CELSR1: variants seen among roughly 807,000 people sequenced by gnomAD.
CELSR1 encodes the protein cadherin EGF LAG seven-pass G-type receptor 1, also known as adhesion G protein-coupled receptor C1.
CELSR1 carries 110 observed loss-of-function variants against 249.1 expected under a neutral mutation model. The ratio of observed to expected loss-of-function variants is 0.44; its 90% confidence interval spans 0.38 to 0.52. The LOEUF (loss-of-function observed/expected upper bound fraction) is 0.52, where lower values mean the gene tolerates loss of function less well. CELSR1 is among the 20% of genes least tolerant of loss of function. CELSR1 has a pLI of 0.00. For synonymous variants in CELSR1, 2,113 were observed against 1,900.0 expected (o/e 1.11, Z -2.92); for missense variants, 4,109 against 4,296.4 (o/e 0.96, Z 1.22).
rs557667451 is a variant in CELSR1, at chr22:46,409,964, G to A, written c.4934-84C>T. The A allele has an allele frequency of 1.9e-6, 3 of 1,564,954 alleles. No individual in the cohort carries two copies. The highest frequency in any genetic ancestry group is 2.6e-6 in the Non-Finnish European group (3 of 1,152,354). ...CGCCAGACGTGGCGTGGGAAACCAGGACGGAATGGACCCGGGGCTGGACAG... is the reference window on the plus strand; with the variant it reads ...CGCCAGACGTGGCGTGGGAAACCAGAACGGAATGGACCCGGGGCTGGACAG... On this transcript the variant is annotated intron_variant, in intron 7 of 34. Transcript: ENST00000674500. The surrounding 1 kb of genome is among the most constrained non-coding windows in gnomAD (Gnocchi z 9.8).
In CELSR1 at chr22:46,461,548, T is replaced by C. The variant is rs1353751936; in HGVS notation, c.4183+2159A>G. The stretch of plus-strand genomic sequence containing the variant: ...CAGGTCTCAAAGCCACGTTAGACGT[T>C]ACCCTAGGGCTCCTGACTCATCTGA... On this transcript the variant is annotated intron_variant, in intron 2 of 34. Transcript: ENST00000674500. Among the ~76,000 whole-genome samples, 4 of 152,336 alleles carry C rather than the reference T, an allele frequency of 2.6e-5. No homozygotes were observed. In the East Asian group the frequency reaches 5.8e-4, roughly 22 times the overall value.
Position 46,378,735 on chromosome 22 carries a change from A to C in CELSR1, c.7257-18T>G, listed in dbSNP as rs780547338. On this transcript the variant is annotated intron_variant, in intron 22 of 34. Transcript: ENST00000674500. ...CACCAACGCTGCGGAGAGGACAGAG[A>C]AGGGGCAGGGGTAAGACGGTTCCCT... 1.7e-5 allele frequency: 28 copies of C among 1,609,724 alleles called. No individual in the cohort carries two copies. Among genetic ancestry groups the C allele is most frequent in the Middle Eastern group, 3.3e-4 (2 of 6,058 alleles).
At position 46,506,833 on chromosome 22, in the gene CELSR1, C is replaced by T. The variant is rs146119459; in HGVS notation, c.3544+26794G>A. 3.7e-3 allele frequency among the ~76,000 whole-genome samples: 569 copies of T among 152,346 alleles called. 5 individuals are homozygous for T. Among genetic ancestry groups the T allele is most frequent in the African/African-American group, 0.013 (552 of 41,592 alleles). On this transcript the variant is annotated intron_variant, in intron 1 of 34. Transcript: ENST00000674500. This position sits in a 1 kb window ranked among gnomAD's most constrained non-coding sequence, Gnocchi z 4.1. ...GAGGCCAAGCCCGGGGGTGTCTTCT[C>T]CACGGTCTGTCACCCGCACCACCAG...
In CELSR1 at chr22:46,396,749, G is replaced by A. The variant is rs766272003; in HGVS notation, c.5702-3C>T. On this transcript the variant is annotated splice_polypyrimidine_tract_variant and splice_region_variant and intron_variant, in intron 12 of 34. Transcript: ENST00000674500. The surrounding 1 kb of genome is among the most constrained non-coding windows in gnomAD (Gnocchi z 6.4). ...CACACAGTTTATTCCAAGGTACCCT[G>A]CAAGGACAGAGCCAGCATTACCTCC... 7 of 1,611,480 alleles carry A rather than the reference G, an allele frequency of 4.3e-6. No individual in the cohort carries two copies. Among genetic ancestry groups the A allele is most frequent in the Non-Finnish European group, 5.9e-6 (7 of 1,178,882 alleles).
rs531638350 is a variant in CELSR1 at position 46,466,782 on chromosome 22, C to T, written c.3545-2437G>A. 7.2e-5 allele frequency among the ~76,000 whole-genome samples: 11 copies of T among 152,320 alleles called. No homozygotes were observed. The South Asian group carries it at 2.3e-3, about 32-fold the overall frequency. On this transcript the variant is annotated intron_variant, in intron 1 of 34. Transcript: ENST00000674500. ...GTTGCTGGGAACCGAACTGTGTCTCCTCAAAATTCTAACCCAAGGGGATGG... is the reference window on the plus strand; with the variant it reads ...GTTGCTGGGAACCGAACTGTGTCTCTTCAAAATTCTAACCCAAGGGGATGG...
chr22:46,518,909 T>G lies in CELSR1; in HGVS notation c.3544+14718A>C, dbSNP rs2080656530. Among the ~76,000 whole-genome samples the G allele has an allele frequency of 6.6e-6, 1 of 152,104 alleles. No individual in the cohort carries two copies. The highest frequency in any genetic ancestry group is 1.5e-5 in the Non-Finnish European group (1 of 68,014). On this transcript the variant is annotated intron_variant, in intron 1 of 34. Coordinates refer to ENST00000674500, the MANE Select transcript of CELSR1 (RefSeq NM_001378328.1). The surrounding 1 kb of genome is among the most constrained non-coding windows in gnomAD (Gnocchi z 5.2). ...TTAGCTGGACGTGGTGGCGCATGCCTGTAATCCCAGCTACTCGGGAGGCAG... is the reference window on the plus strand; with the variant it reads ...TTAGCTGGACGTGGTGGCGCATGCCGGTAATCCCAGCTACTCGGGAGGCAG...
chr22:46,487,009 C>A (rs1001319251), intron 1 of CELSR1, among the ~76,000 whole-genome samples: 26 of 149,176 alleles, frequency 1.7e-4, no homozygotes, highest in African/African-American at 6.3e-4. Flanking sequence ...GTGTCTGCTC[C>A]CGCCCCCTGC....
intron 2 of CELSR1, among the ~76,000 whole-genome samples, chr22:46,460,552 CAACA>C (rs1297232276): frequency 6.6e-6 from 1 of 152,196 alleles, no homozygotes; most frequent in Non-Finnish European, 1.5e-5. Context: ...AGCAATTTAA[CAACA>C]AACACAACTA....
At chr22:46,364,452 C>T (rs1023917391) in intron 33 of CELSR1, 60 bp downstream of exon 33, 7 of 1,554,676 alleles carry the variant, frequency 4.5e-6, no homozygotes, top group Non-Finnish European at 5.2e-6. Flanking sequence ...ACCTCCAGAC[C>T]AGGGACTGGC....
intron 1 of CELSR1, among the ~76,000 whole-genome samples, chr22:46,523,855 A>G (rs1421331239): frequency 2.6e-5 from 4 of 152,048 alleles, no homozygotes; most frequent in Non-Finnish European, 5.9e-5. Flanking sequence ...CAGCTCTACC[A>G]TAAGAGACCC....
At position 46,436,797 on chromosome 22, in the gene CELSR1, C is replaced by G. The variant is rs371498682; in HGVS notation, c.4407-508G>C. The stretch of plus-strand genomic sequence containing the variant: ...AACACAGGTCAAAAAGACCCCAGGG[C>G]CTTTGCACCAGCTGCCCCCTATGCC... On this transcript the variant is annotated intron_variant, in intron 3 of 34. Transcript: ENST00000674500. This position sits in a 1 kb window ranked among gnomAD's most constrained non-coding sequence, Gnocchi z 5.9. Among the ~76,000 whole-genome samples, 1 of 152,246 alleles carries G rather than the reference C, an allele frequency of 6.6e-6. No homozygotes were observed. The highest frequency in any genetic ancestry group is 2.4e-5 in the African/African-American group (1 of 41,534).
At position 46,391,850 on chromosome 22, in the gene CELSR1, G is replaced by A; in HGVS notation, c.5965-34C>T. 6.3e-7 allele frequency: 1 copy of A among 1,591,328 alleles called. No homozygotes were observed. The highest frequency in any genetic ancestry group is 8.5e-7 in the Non-Finnish European group (1 of 1,171,580). On this transcript the variant is annotated intron_variant, in intron 14 of 34. Coordinates refer to ENST00000674500, the MANE Select transcript of CELSR1 (RefSeq NM_001378328.1). The surrounding 1 kb of genome is among the most constrained non-coding windows in gnomAD (Gnocchi z 4.3). Reference sequence around the variant, plus strand: ...GCCAGAGGCAGGGCCTGTGACTTCAGATGCCCGGGAGAGGCCCTACCTTGC... The same window carrying A: ...GCCAGAGGCAGGGCCTGTGACTTCAAATGCCCGGGAGAGGCCCTACCTTGC...
At chr22:46,532,294 C>A (rs1421097900) in intron 1 of CELSR1, among the ~76,000 whole-genome samples, 2 of 152,202 alleles carry the variant, frequency 1.3e-5, no homozygotes, top group Non-Finnish European at 2.9e-5. Flanking sequence ...ATCCATAACC[C>A]CGGTTAATTC....
chr22:46,455,810 G>A (rs2079942301), intron 2 of CELSR1, among the ~76,000 whole-genome samples: 1 of 152,204 alleles, frequency 6.6e-6, no homozygotes, highest in Admixed American at 6.5e-5. Context: ...ATTGAGTGGA[G>A]AACAGGAGAT....
rs990731115 is a variant in CELSR1 at position 46,517,743 on chromosome 22, A to G, written c.3544+15884T>C. On this transcript the variant is annotated intron_variant, in intron 1 of 34. Transcript: ENST00000674500. This position sits in a 1 kb window ranked among gnomAD's most constrained non-coding sequence, Gnocchi z 5.4. ...TTGCGATTATGTGTTAGAATTTTCC[A>G]TGCTTAGAAGCGAGGGCTGCATTGA... Among the ~76,000 whole-genome samples, 1 of 152,152 alleles carries G rather than the reference A, an allele frequency of 6.6e-6. No homozygotes were observed. The highest frequency in any genetic ancestry group is 1.5e-5 in the Non-Finnish European group (1 of 68,034).
intron 1 of CELSR1, among the ~76,000 whole-genome samples, chr22:46,503,152 A>G (rs1458413646): frequency 6.6e-6 from 1 of 152,310 alleles, no homozygotes; most frequent in Non-Finnish European, 1.5e-5. Context: ...CAGCTTAGCT[A>G]TAATCACAGG....
At position 46,381,969 on chromosome 22, in the gene CELSR1, G is replaced by A. The variant is rs756011801; in HGVS notation, c.6965C>T (p.Pro2322Leu). 26 of 1,565,402 alleles carry A rather than the reference G, an allele frequency of 1.7e-5. No individual in the cohort carries two copies. Among genetic ancestry groups the A allele is most frequent in the Admixed American group, 5.5e-5 (3 of 54,104 alleles). Reference protein sequence around the residue: ...RPGPGTEREAPISRRRRHPDD... With the variant: ...RPGPGTEREALISRRRRHPDD... ...AGGGTGTCGCCTCCGCCTGCTGATCGGGGCCTCCCTCTCGGTGCCAGGCCC... is the reference window on the plus strand; with the variant it reads ...AGGGTGTCGCCTCCGCCTGCTGATCAGGGCCTCCCTCTCGGTGCCAGGCCC... Residue 2322 changes from proline to leucine, a missense_variant, in exon 21 of 35, where the codon CCG (proline) becomes CTG (leucine). Physicochemically the swap from Pro to Leu is moderately conservative, Grantham distance 98. Transcript: ENST00000674500. The surrounding 1 kb of genome is among the most constrained non-coding windows in gnomAD (Gnocchi z 6.0).
At chr22:46,388,299 A>G (rs1201293854) in intron 18 of CELSR1, among the ~76,000 whole-genome samples, 1 of 152,078 alleles carries the variant, frequency 6.6e-6, no homozygotes, top group Non-Finnish European at 1.5e-5. Context: ...CAGTGAGCCA[A>G]GATCGCACCA....
chr22:46,382,864 A>C (rs746706388), intron 20 of CELSR1, among the ~76,000 whole-genome samples: 2 of 152,156 alleles, frequency 1.3e-5, no homozygotes, highest in Non-Finnish European at 2.9e-5. Flanking sequence ...CAAAGACAGA[A>C]AGAACGGTAG....
Sources: gnomAD v4.1 joint callset for allele counts (sites outside exome capture counted in the v4.1 genomes callset) on GRCh38, gnomAD v4.1.1 for gene constraint, Gnocchi (gnomAD v3.1) non-coding constraint, MANE v1.5 for transcripts, NCBI Gene and HGNC (gene_info 2026-07-23, HGNC 2026-07-21) for gene names.